The following PTPRD variants were observed in gnomAD, a reference collection of about 807,000 sequenced individuals.
The protein encoded by PTPRD is protein tyrosine phosphatase receptor type D, also known as receptor-type tyrosine-protein phosphatase delta.
PTPRD carries 34 observed loss-of-function variants against 214.5 expected under a neutral mutation model. That is an observed-to-expected ratio of 0.16 (90% CI 0.12 to 0.21). The LOEUF (loss-of-function observed/expected upper bound fraction) is 0.21, where lower values mean the gene tolerates loss of function less well. PTPRD is among the 10% of genes least tolerant of loss of function. The probability of loss-of-function intolerance (pLI) is 1.00; values close to 1 mark genes in which losing one functional copy is unlikely to be tolerated. For synonymous variants in PTPRD, 1,128 were observed against 845.7 expected (o/e 1.33, Z -5.79); for missense variants, 2,545 against 2,398.7 (o/e 1.06, Z -1.27).
At chr9:8,623,431 A>T (rs2095883621) in intron 14 of PTPRD, among the ~76,000 whole-genome samples, 1 of 151,968 alleles carries the variant, frequency 6.6e-6, no homozygotes, top group Admixed American at 6.6e-5. Flanking sequence ...TTAGTGGACA[A>T]GGTAGCTTGA....
chr9:9,268,691 C>T (rs1378726019), intron 9 of PTPRD, among the ~76,000 whole-genome samples: 1 of 150,366 alleles, frequency 6.7e-6, no homozygotes, highest in Non-Finnish European at 1.5e-5. Flanking sequence ...AACAGAGAGC[C>T]CAGGAATAAA....
At chr9:10,432,154 G>A (rs987711307) in intron 2 of PTPRD, among the ~76,000 whole-genome samples, 7 of 151,582 alleles carry the variant, frequency 4.6e-5, no homozygotes, top group Non-Finnish European at 7.4e-5. Flanking sequence ...GATGAAATTG[G>A]AAATCATCAT....
intron 7 of PTPRD, among the ~76,000 whole-genome samples, chr9:9,608,427 A>G (rs987453431): frequency 6.6e-6 from 1 of 152,170 alleles, no homozygotes; most frequent in Non-Finnish European, 1.5e-5. Flanking sequence ...GAAAATTTCT[A>G]TTCTTAAAAA....
intron 3 of PTPRD, among the ~76,000 whole-genome samples, chr9:10,234,967 C>A (rs145604166): frequency 0.01 from 1,543 of 151,430 alleles, 97 homozygotes; most frequent in Admixed American, 0.093. Flanking sequence ...TATTTTAGTG[C>A]AACATACAAT....
At chr9:9,620,033 G>A (rs2095149987) in intron 7 of PTPRD, among the ~76,000 whole-genome samples, 1 of 151,844 alleles carries the variant, frequency 6.6e-6, no homozygotes, top group African/African-American at 2.4e-5. Context: ...TTTTCAGTAT[G>A]TAGAATGGGC....
chr9:8,813,833 A>G (rs1478248916), intron 11 of PTPRD, among the ~76,000 whole-genome samples: 1 of 152,256 alleles, frequency 6.6e-6, no homozygotes, highest in East Asian at 1.9e-4. Flanking sequence ...GAATTGGCTT[A>G]CTGAGGAAGA....
intron 9 of PTPRD, among the ~76,000 whole-genome samples, chr9:9,353,323 G>A (rs2052248839): frequency 6.6e-6 from 1 of 151,842 alleles, no homozygotes; most frequent in Non-Finnish European, 1.5e-5. Flanking sequence ...AGAATCATAG[G>A]TGACTTTAGA....
At chr9:9,686,442 T>A (rs974638214) in intron 7 of PTPRD, among the ~76,000 whole-genome samples, 1 of 151,340 alleles carries the variant, frequency 6.6e-6, no homozygotes, top group Non-Finnish European at 1.5e-5. Context: ...ACAGTGATTA[T>A]CTAGAATAGA....
chr9:10,439,968 T>C (rs2098748021), intron 2 of PTPRD, among the ~76,000 whole-genome samples: 1 of 151,564 alleles, frequency 6.6e-6, no homozygotes, highest in Non-Finnish European at 1.5e-5. Flanking sequence ...AATATAACGT[T>C]TGCATAAACT....
chr9:8,335,103 A>T (rs1845298109), intron 43 of PTPRD, among the ~76,000 whole-genome samples: 1 of 147,112 alleles, frequency 6.8e-6, no homozygotes, highest in Admixed American at 6.6e-5. Flanking sequence ...TTCTGAAACT[A>T]TTCCAAACAA....
At chr9:8,913,313 T>C (rs2098760881) in intron 11 of PTPRD, among the ~76,000 whole-genome samples, 1 of 152,082 alleles carries the variant, frequency 6.6e-6, no homozygotes, top group Admixed American at 6.6e-5. Context: ...TTCCTTGCCT[T>C]TGGAGTTACT....
chr9:9,520,290 T>C (rs899034827), intron 8 of PTPRD, among the ~76,000 whole-genome samples: 4 of 147,480 alleles, frequency 2.7e-5, no homozygotes, highest in Admixed American at 1.4e-4. Flanking sequence ...TATTAAGTTA[T>C]ATATATATAT....
intron 39 of PTPRD, among the ~76,000 whole-genome samples, chr9:8,345,732 A>G (rs1433926778): frequency 1.3e-5 from 2 of 152,206 alleles, no homozygotes; most frequent in East Asian, 1.9e-4. Flanking sequence ...CACGTTTGAA[A>G]TCGAAATCAA....
chr9:8,514,425 AATTT>A (rs1164450670), intron 21 of PTPRD, among the ~76,000 whole-genome samples: 1 of 152,124 alleles, frequency 6.6e-6, no homozygotes, highest in Non-Finnish European at 1.5e-5. Flanking sequence ...CTTAGAGCCA[AATTT>A]ATTTAAATTT....
At chr9:10,197,270 G>C (rs943926147) in intron 3 of PTPRD, among the ~76,000 whole-genome samples, 1 of 152,048 alleles carries the variant, frequency 6.6e-6, no homozygotes, top group African/African-American at 2.4e-5. Flanking sequence ...ATAAGACAGA[G>C]AATCTAATTA....
chr9:10,412,561 T>C (rs746585393), intron 2 of PTPRD, among the ~76,000 whole-genome samples: 1 of 151,548 alleles, frequency 6.6e-6, no homozygotes, highest in Non-Finnish European at 1.5e-5. Context: ...CCCCAGCTCA[T>C]TTTATGAGGG....
intron 9 of PTPRD, among the ~76,000 whole-genome samples, chr9:9,343,628 T>C (rs1035612312): frequency 1.3e-5 from 2 of 152,170 alleles, no homozygotes; most frequent in Admixed American, 6.6e-5. Flanking sequence ...GAGAAACTAT[T>C]TTTTCCAGTG....
intron 37 of PTPRD, among the ~76,000 whole-genome samples, 163 bp from the exon 38 acceptor site, chr9:8,376,889 C>T (rs1589049199): frequency 1.3e-5 from 2 of 152,222 alleles, no homozygotes; most frequent in East Asian, 1.9e-4. Flanking sequence ...AATTACTGCT[C>T]TGATGCCAAT....
At chr9:9,444,211 A>T (rs2089513671) in intron 8 of PTPRD, among the ~76,000 whole-genome samples, 1 of 152,270 alleles carries the variant, frequency 6.6e-6, no homozygotes, top group African/African-American at 2.4e-5. Flanking sequence ...TGAACAACTA[A>T]TTTGATAGGA....
Sources: gnomAD v4.1 joint callset for allele counts (sites outside exome capture counted in the v4.1 genomes callset) on GRCh38, gnomAD v4.1.1 for gene constraint, MANE v1.5 for transcripts, NCBI Gene and HGNC (gene_info 2026-07-23, HGNC 2026-07-21) for gene names.